The following MCF2L variants were observed in gnomAD, a reference collection of about 807,000 sequenced individuals.
MCF2L encodes MCF.2 cell line derived transforming sequence like.
Under a neutral mutation model 153.4 loss-of-function variants are expected in MCF2L, and 97 were observed. The observed-to-expected ratio is 0.63, with a 90% CI of 0.54 to 0.75. The LOEUF (loss-of-function observed/expected upper bound fraction) is 0.75. Among genes scored for constraint, MCF2L ranks in the 30% least tolerant of loss-of-function variants. The pLI is 0.00. For missense variants in MCF2L, 1,347 were observed against 1,495.2 expected (o/e 0.90, Z 1.64); for synonymous variants, 659 against 632.2 (o/e 1.04, Z -0.64).
intron 1 of MCF2L, among the ~76,000 whole-genome samples, chr13:113,011,716 C>T (rs531596156): frequency 1.5e-5 from 2 of 134,290 alleles, no homozygotes; most frequent in African/African-American, 5.6e-5. Context: ...GTGATGCGGA[C>T]GGTGGACAGG....
At chr13:112,895,698 A>C (rs985723706) in intron 1 of MCF2L, among the ~76,000 whole-genome samples, 1 of 152,094 alleles carries the variant, frequency 6.6e-6, no homozygotes, top group Non-Finnish European at 1.5e-5. Context: ...ACTCTGGGGC[A>C]AGCTGACAGC....
chr13:113,094,679 TC>T, intron 27 of MCF2L, 44 bp downstream of exon 27: 1 of 1,585,344 alleles, frequency 6.3e-7, no homozygotes, highest in Non-Finnish European at 8.6e-7. Context: ...GGGGCTGCCC[TC>T]CGGGGATTAG....
At chr13:113,034,465 C>G (rs143789919) in intron 3 of MCF2L, among the ~76,000 whole-genome samples, 132 of 152,300 alleles carry the variant, frequency 8.7e-4, no homozygotes, top group Middle Eastern at 3.4e-3. Context: ...TCACACATGA[C>G]CAATGGCTGC....
chr13:113,082,085 G>T (rs1167876139), intron 16 of MCF2L, among the ~76,000 whole-genome samples: 1 of 152,190 alleles, frequency 6.6e-6, no homozygotes, highest in African/African-American at 2.4e-5. Context: ...GTCACCGAGT[G>T]TGCACAGGTG....
rs190812534 is a variant in MCF2L, at chr13:112,999,205, G to A, written c.80-15558G>A. Among the ~76,000 whole-genome samples the A allele has an allele frequency of 2.2e-3, 332 of 152,284 alleles. 2 individuals carry two copies. The highest frequency in any genetic ancestry group is 7.6e-3 in the African/African-American group (315 of 41,554). On this transcript the variant is annotated intron_variant, in intron 1 of 29. Coordinates refer to ENST00000535094, the MANE Select transcript of MCF2L (RefSeq NM_001112732.3). ...GGGTCTGCCCTATGGTGACTGTTGCGTGGCCCCCTTGCTTGTTGAGCAAAT... is the reference window on the plus strand; with the variant it reads ...GGGTCTGCCCTATGGTGACTGTTGCATGGCCCCCTTGCTTGTTGAGCAAAT...
chr13:113,065,343 G>A, intron 7 of MCF2L: 1 of 508,468 alleles, frequency 2.0e-6, no homozygotes, highest in Non-Finnish European at 3.5e-6. Flanking sequence ...TCTGGCGTTG[G>A]GTCAACCATT....
At chr13:113,039,629 G>A (rs1483087113) in intron 3 of MCF2L, among the ~76,000 whole-genome samples, 1 of 141,502 alleles carries the variant, frequency 7.1e-6, no homozygotes, top group Non-Finnish European at 1.6e-5. Context: ...AGTTAAAGGA[G>A]AATCTAGTAG....
At chr13:113,029,270 T>C (rs909238225) in intron 3 of MCF2L, among the ~76,000 whole-genome samples, 1 of 152,144 alleles carries the variant, frequency 6.6e-6, no homozygotes. Flanking sequence ...TGGATTTCTG[T>C]GAGCACGGGG....
intron 2 of MCF2L, among the ~76,000 whole-genome samples, chr13:113,015,603 T>C (rs2084460700): frequency 6.6e-6 from 1 of 152,132 alleles, no homozygotes; most frequent in Admixed American, 6.5e-5. Flanking sequence ...CGGTGGGGCC[T>C]CCATCCCGCA....
At position 113,097,409 on chromosome 13, in the gene MCF2L, T is replaced by C. The variant is rs1437628141; in HGVS notation, c.*550T>C. 6.6e-6 allele frequency: 1 copy of C among 152,368 alleles called. No homozygotes were observed. The highest frequency in any genetic ancestry group is 1.9e-4 in the East Asian group (1 of 5,206). The allele number at this position is 152,368 out of a possible 1,614,324, so 9.4% of individuals were successfully genotyped here. On this transcript the variant is annotated 3_prime_UTR_variant, in exon 30 of 30. Transcript: ENST00000535094. ...TGTATTTGATAGAAAACTATTTTTT[T>C]GTTACCGGGGTTTACATAGAAGCAC...
At chr13:113,005,022 T>G (rs1594598153) in intron 1 of MCF2L, among the ~76,000 whole-genome samples, 1 of 151,430 alleles carries the variant, frequency 6.6e-6, no homozygotes, top group Non-Finnish European at 1.5e-5. Flanking sequence ...GGGAAAGGAG[T>G]GAGCGTGTTA....
At chr13:113,021,579 G>A (rs748297497) in intron 2 of MCF2L, among the ~76,000 whole-genome samples, 5 of 152,170 alleles carry the variant, frequency 3.3e-5, no homozygotes, top group African/African-American at 7.2e-5. Context: ...TGTCCTCTGC[G>A]GCGTTCAGTC....
At chr13:112,903,391 C>T (rs1005648793) in intron 2 of MCF2L, among the ~76,000 whole-genome samples, 3 of 152,242 alleles carry the variant, frequency 2.0e-5, no homozygotes, top group Non-Finnish European at 2.9e-5. Context: ...GGCTGCTGCC[C>T]TGAGGGCTGG....
chr13:113,042,001 G>A (rs2086525316), intron 3 of MCF2L, among the ~76,000 whole-genome samples: 1 of 152,158 alleles, frequency 6.6e-6, no homozygotes, highest in South Asian at 2.1e-4. Flanking sequence ...CAGCCTCACG[G>A]GATGGTCGCT....
chr13:112,913,827 C>G (rs2081261089), intron 2 of MCF2L, among the ~76,000 whole-genome samples: 1 of 152,158 alleles, frequency 6.6e-6, no homozygotes, highest in Non-Finnish European at 1.5e-5. Flanking sequence ...TTTCATACAA[C>G]AGGTGCACAT....
At chr13:112,970,355 G>C (rs2081997739) in intron 1 of MCF2L, among the ~76,000 whole-genome samples, 1 of 152,186 alleles carries the variant, frequency 6.6e-6, no homozygotes, top group African/African-American at 2.4e-5. Flanking sequence ...GATTCTGAGA[G>C]TGAACCAGTG....
rs2081808250 is a variant in MCF2L, at chr13:112,960,239, T to C, written c.170-54524T>C. ...ATCTGGTGAGGGCCCCTGAGCTGCG[T>C]CTTTCCAAGAGACGGCCTCACCCGG... On this transcript the variant is annotated intron_variant, in intron 2 of 29. Transcript: ENST00000375608. This position sits in a 1 kb window ranked among gnomAD's most constrained non-coding sequence, Gnocchi z 4.2. Among the ~76,000 whole-genome samples, 2 of 152,208 alleles carry C rather than the reference T, an allele frequency of 1.3e-5. No homozygotes were observed.
At chr13:112,900,927 G>A (rs918942339) in intron 1 of MCF2L, among the ~76,000 whole-genome samples, 6 of 152,148 alleles carry the variant, frequency 3.9e-5, no homozygotes, top group Non-Finnish European at 8.8e-5. Flanking sequence ...GGATGGGATG[G>A]GGTTTAGCTG....
chr13:112,981,001 C>T (rs2082399547), intron 1 of MCF2L, among the ~76,000 whole-genome samples: 1 of 151,836 alleles, frequency 6.6e-6, no homozygotes, highest in Non-Finnish European at 1.5e-5. Context: ...CCTGATACGT[C>T]CCCTTCCTGT....
Sources: allele counts gnomAD v4.1 joint callset (sites outside exome capture counted in the v4.1 genomes callset), GRCh38; gene constraint gnomAD v4.1.1; non-coding constraint Gnocchi (gnomAD v3.1); transcripts MANE v1.5; gene names NCBI Gene and HGNC (gene_info 2026-07-23, HGNC 2026-07-21).